SPATA18: variants seen among roughly 807,000 people sequenced by gnomAD.
SPATA18 encodes spermatogenesis associated 18.
Under a neutral mutation model 68.1 loss-of-function variants are expected in SPATA18, and 54 were observed. The observed-to-expected ratio is 0.79, with a 90% CI of 0.64 to 0.99. The LOEUF is 0.99. SPATA18 is among the 50% of genes least tolerant of loss of function. The pLI, the probability that SPATA18 is intolerant of heterozygous loss-of-function variation, is 0.00. For synonymous variants in SPATA18, 242 were observed against 244.8 expected (o/e 0.99, Z 0.11); for missense variants, 724 against 681.1 (o/e 1.06, Z -0.70).
intron 9 of SPATA18, among the ~76,000 whole-genome samples, chr4:52,081,244 G>A (rs1043384181): frequency 1.3e-5 from 2 of 152,224 alleles, no homozygotes; most frequent in Non-Finnish European, 2.9e-5. Flanking sequence ...TTTAACCAGA[G>A]GGAATGTGCA....
intron 5 of SPATA18, 21 bp from the exon 6 acceptor site, chr4:52,071,896 C>A: frequency 1.2e-6 from 2 of 1,610,770 alleles, no homozygotes; most frequent in Non-Finnish European, 1.7e-6. Flanking sequence ...CCTTCCTCTG[C>A]CCTCTCTCTT....
chr4:52,076,173 G>A (rs1740322480), intron 6 of SPATA18, among the ~76,000 whole-genome samples: 1 of 152,172 alleles, frequency 6.6e-6, no homozygotes. Flanking sequence ...TGGACATGGG[G>A]ATGTTTGATT....
intron 10 of SPATA18, chr4:52,083,130 T>C (rs1466355483): frequency 2.0e-6 from 2 of 985,266 alleles, no homozygotes; most frequent in African/African-American, 3.5e-5. Context: ...TGTGAGCATG[T>C]GGGTGTGTAC....
chr4:52,059,686 G>A (rs999280122), intron 1 of SPATA18, among the ~76,000 whole-genome samples: 7 of 152,274 alleles, frequency 4.6e-5, no homozygotes, highest in African/African-American at 1.2e-4. Flanking sequence ...TTATTATTCC[G>A]CTGCAGAGTA....
Position 52,095,045 on chromosome 4 carries a change from G to A in SPATA18, c.*158G>A, listed in dbSNP as rs1371543516. On this transcript the variant is annotated 3_prime_UTR_variant, in exon 13 of 13. Transcript: ENST00000295213. ...ACAGAGAGTTAAATGTTTTGGCTTGGCGCATTTGTAACTTTAGATATATTG... is the reference window on the plus strand; with the variant it reads ...ACAGAGAGTTAAATGTTTTGGCTTGACGCATTTGTAACTTTAGATATATTG... The A allele has an allele frequency of 2.2e-5, 18 of 807,180 alleles. No homozygotes were observed. The Admixed American group carries it at 4.0e-4, about 18-fold the overall frequency. 50.0% of individuals were successfully genotyped at this position (807,180 alleles called of 1,614,324 possible).
intron 11 of SPATA18, among the ~76,000 whole-genome samples, chr4:52,088,916 C>T (rs1315977396): frequency 2.0e-5 from 3 of 152,014 alleles, no homozygotes; most frequent in Admixed American, 2.0e-4. Flanking sequence ...TGGTCCTGGA[C>T]TTTTTTTGGT....
chr4:52,062,454 T>G, intron 4 of SPATA18, 122 bp downstream of exon 4: 1 of 662,692 alleles, frequency 1.5e-6, no homozygotes, highest in South Asian at 1.8e-5. Context: ...AGTAATATGA[T>G]TGTGTGTGTG....
At chr4:52,073,192 T>C (rs1441756926) in intron 6 of SPATA18, among the ~76,000 whole-genome samples, 1 of 152,188 alleles carries the variant, frequency 6.6e-6, no homozygotes, top group African/African-American at 2.4e-5. Context: ...CTGTTTGACA[T>C]GGTGGTAGTA....
chr4:52,096,095 A>G lies in SPATA18; in HGVS notation c.*1208A>G, dbSNP rs1239501943. ...CTTTTCAGGTGAAAATAAAACAAAC[A>G]GCTTCTCTAAAGCATCTTACCCCTG... On this transcript the variant is annotated 3_prime_UTR_variant, in exon 13 of 13. Transcript: ENST00000295213. The G allele has an allele frequency of 6.6e-6, 1 of 152,136 alleles. No individual in the cohort carries two copies. The highest frequency in any genetic ancestry group is 1.5e-5 in the Non-Finnish European group (1 of 68,020). 9.4% of individuals were successfully genotyped at this position (152,136 alleles called of 1,614,324 possible). A position where few individuals can be genotyped will look rare whatever the true frequency, so the allele number is the denominator to read the frequency against.
At chr4:52,078,671 C>T in intron 7 of SPATA18, 64 bp from the exon 8 acceptor site, 1 of 1,397,232 alleles carries the variant, frequency 7.2e-7, no homozygotes, top group Non-Finnish European at 9.6e-7. Context: ...TTTCTAATTC[C>T]TTGTTTTGGA....
At position 52,095,004 on chromosome 4, in the gene SPATA18, C is replaced by A; in HGVS notation, c.*117C>A. ...CTTAAGATAATGTCAAAAGGCAATT[C>A]TGTGTATCACCCCACACAGAGAGTT... On this transcript the variant is annotated 3_prime_UTR_variant, in exon 13 of 13. Coordinates refer to ENST00000295213, the MANE Select transcript of SPATA18 (RefSeq NM_145263.4). 1 of 1,195,356 alleles carries A rather than the reference C, an allele frequency of 8.4e-7. No individual in the cohort carries two copies. Among genetic ancestry groups the A allele is most frequent in the Non-Finnish European group, 1.2e-6 (1 of 801,742 alleles). The allele number at this position is 1,195,356 out of a possible 1,614,324, so 74.0% of individuals were successfully genotyped here.
intron 11 of SPATA18, among the ~76,000 whole-genome samples, chr4:52,092,729 A>G (rs1300798307): frequency 6.6e-6 from 1 of 152,154 alleles, no homozygotes; most frequent in Admixed American, 6.5e-5. Context: ...CTTATCATAC[A>G]TTCTTTCTGG....
intron 1 of SPATA18, among the ~76,000 whole-genome samples, chr4:52,053,928 G>A (rs574863241): frequency 2.4e-3 from 366 of 152,262 alleles, no homozygotes; most frequent in Non-Finnish European, 3.1e-3. Flanking sequence ...AGAAGCCAAA[G>A]CTCCTACAGT....
chr4:52,060,165 G>A (rs571660033), intron 1 of SPATA18, among the ~76,000 whole-genome samples: 31 of 152,336 alleles, frequency 2.0e-4, no homozygotes, highest in Admixed American at 1.1e-3. Context: ...CCAGGCCCCA[G>A]GCATATATCA....
At chr4:52,086,687 T>C (rs989501339) in intron 11 of SPATA18, among the ~76,000 whole-genome samples, 1 of 152,192 alleles carries the variant, frequency 6.6e-6, no homozygotes, top group Non-Finnish European at 1.5e-5. Flanking sequence ...TGGGTTGGTT[T>C]CAAGTCTTTG....
chr4:52,052,011 G>A (rs886306438), intron 1 of SPATA18, among the ~76,000 whole-genome samples: 1 of 152,200 alleles, frequency 6.6e-6, no homozygotes, highest in Non-Finnish European at 1.5e-5. Flanking sequence ...CGCGCAGGCG[G>A]CCTGCGGAGC....
At position 52,084,940 on chromosome 4, in the gene SPATA18, CGTT is replaced by C. The variant is rs778796894; in HGVS notation, c.1507_1509del (p.Cys503del). 5 of 1,613,782 alleles carry C rather than the reference CGTT, an allele frequency of 3.1e-6. No homozygotes were observed. Among genetic ancestry groups the C allele is most frequent in the South Asian group, 1.1e-5 (1 of 91,060 alleles). On this transcript the variant is annotated inframe_deletion, in exon 11 of 13. Coordinates refer to ENST00000295213, the MANE Select transcript of SPATA18 (RefSeq NM_145263.4). ...GTGGAATTCGGTGCGATCTGTAAGTCGTTGTCGAAGCAGGAGTTTAAGTCCCAT... is the reference window on the plus strand; with the variant it reads ...GTGGAATTCGGTGCGATCTGTAAGTCGTCGAAGCAGGAGTTTAAGTCCCAT...
rs924647014 is a variant in SPATA18, at chr4:52,094,998, G to A, written c.*111G>A. On this transcript the variant is annotated 3_prime_UTR_variant, in exon 13 of 13. Transcript: ENST00000295213. The stretch of plus-strand genomic sequence containing the variant: ...ACCTCACTTAAGATAATGTCAAAAG[G>A]CAATTCTGTGTATCACCCCACACAG... The A allele has an allele frequency of 2.1e-5, 28 of 1,326,632 alleles. No individual in the cohort carries two copies. The African/African-American group carries it at 3.9e-4, about 18-fold the overall frequency. The allele number at this position is 1,326,632 out of a possible 1,614,324, so 82.2% of individuals were successfully genotyped here. A position where few individuals can be genotyped will look rare whatever the true frequency, so the allele number is the denominator to read the frequency against.
rs10011990 is a variant in SPATA18 at position 52,096,363 on chromosome 4, C to G, written c.*1476C>G. 1.3e-5 allele frequency: 2 copies of G among 152,006 alleles called. No homozygotes were observed. Among genetic ancestry groups the G allele is most frequent in the African/African-American group, 4.8e-5 (2 of 41,396 alleles). 9.4% of individuals were successfully genotyped at this position (152,006 alleles called of 1,614,324 possible). On this transcript the variant is annotated 3_prime_UTR_variant, in exon 13 of 13. Coordinates refer to ENST00000295213, the MANE Select transcript of SPATA18 (RefSeq NM_145263.4). ...TCACTTCTCTGAGCCTTGGTTTTAT[C>G]ATAGGGTGAGGAGGTTGGATACAAT...
Sources: gnomAD v4.1 joint callset for allele counts (sites outside exome capture counted in the v4.1 genomes callset) on GRCh38, gnomAD v4.1.1 for gene constraint, MANE v1.5 for transcripts, NCBI Gene and HGNC (gene_info 2026-07-23, HGNC 2026-07-21) for gene names.